The following RNF150 variants were observed in gnomAD, a reference collection of about 807,000 sequenced individuals.
RNF150 encodes the protein ring finger protein 150.
RNF150 carries 24 observed loss-of-function variants against 39.3 expected under a neutral mutation model. The ratio of observed to expected loss-of-function variants is 0.61; its 90% confidence interval spans 0.44 to 0.86. The LOEUF (loss-of-function observed/expected upper bound fraction) is 0.86, where lower values mean the gene tolerates loss of function less well. Ranked by LOEUF, RNF150 falls within the 40% of genes least tolerant of loss-of-function variation. RNF150 has a pLI of 0.00. For synonymous variants in RNF150, 255 were observed against 227.3 expected, an observed-to-expected ratio of 1.12 and a Z score of -1.10; for missense variants, 502 against 587.8, an observed-to-expected ratio of 0.85 and a Z score of 1.51.
intron 6 of RNF150, among the ~76,000 whole-genome samples, chr4:140,903,901 C>T (rs553488365): frequency 5.3e-5 from 8 of 152,334 alleles, no homozygotes; most frequent in African/African-American, 1.9e-4. Flanking sequence ...GTTTGTGAAT[C>T]TGCAGATCCT....
chr4:141,134,292 G>A (rs918364369), upstream of RNF150, among the ~76,000 whole-genome samples: 1 of 152,146 alleles, frequency 6.6e-6, no homozygotes, highest in Non-Finnish European at 1.5e-5. Flanking sequence ...TAAAACTGTA[G>A]TACAGCAGAG....
At chr4:141,207,504 C>A (rs12642386) in intron 1 of RNF150, among the ~76,000 whole-genome samples, 31,092 of 152,008 alleles carry the variant, frequency 0.2, 3,534 homozygotes, top group South Asian at 0.32. Flanking sequence ...CAAAGATGAG[C>A]CCCTGGATGA....
intron 1 of RNF150, among the ~76,000 whole-genome samples, chr4:141,070,046 T>G (rs1737630098): frequency 6.6e-6 from 1 of 152,202 alleles, no homozygotes; most frequent in South Asian, 2.1e-4. Flanking sequence ...GGGTTTTTTG[T>G]GTCTCTATTT....
intron 1 of RNF150, among the ~76,000 whole-genome samples, chr4:140,984,573 G>T (rs1327068920): frequency 6.6e-6 from 1 of 152,110 alleles, no homozygotes; most frequent in African/African-American, 2.4e-5. Flanking sequence ...AGTCTACACT[G>T]TAAATCAAAA....
chr4:141,055,617 T>C (rs897962909), intron 1 of RNF150, among the ~76,000 whole-genome samples: 7 of 152,072 alleles, frequency 4.6e-5, no homozygotes, highest in Admixed American at 3.9e-4. Flanking sequence ...AACTGAATGA[T>C]GGATCAGGAG....
At chr4:140,987,000 C>A (rs1734035985) in intron 1 of RNF150, among the ~76,000 whole-genome samples, 1 of 151,906 alleles carries the variant, frequency 6.6e-6, no homozygotes, top group Non-Finnish European at 1.5e-5. Context: ...AGAGCCAAAT[C>A]AAGAATGCAA....
intron 2 of RNF150, among the ~76,000 whole-genome samples, chr4:140,967,330 C>G (rs1733283956): frequency 6.6e-6 from 1 of 151,982 alleles, no homozygotes; most frequent in Non-Finnish European, 1.5e-5. Context: ...TCCAAATTAT[C>G]TTCACACTAT....
chr4:141,151,506 G>A (rs900239503), intron 1 of RNF150, among the ~76,000 whole-genome samples: 1 of 150,184 alleles, frequency 6.7e-6, no homozygotes, highest in Non-Finnish European at 1.5e-5. Flanking sequence ...CTGTAGGAAT[G>A]TTTTTCTTTA....
At chr4:140,871,049 A>G (rs1273111610) in intron 6 of RNF150, among the ~76,000 whole-genome samples, 1 of 151,646 alleles carries the variant, frequency 6.6e-6, no homozygotes, top group African/African-American at 2.4e-5. Flanking sequence ...CTTTATACTT[A>G]TGAGAACTGG....
At chr4:140,965,714 T>G (rs1448805139) in intron 2 of RNF150, among the ~76,000 whole-genome samples, 6 of 152,038 alleles carry the variant, frequency 3.9e-5, no homozygotes, top group Non-Finnish European at 8.8e-5. Flanking sequence ...AAAGGTCAAA[T>G]GTCCAGAGAT....
At chr4:141,019,033 A>AAT (rs10527652) in intron 1 of RNF150, among the ~76,000 whole-genome samples, 22 of 126,398 alleles carry the variant, frequency 1.7e-4, no homozygotes, top group East Asian at 5.1e-4. Context: ...ACTGCAAAGA[A>AAT]ATATATATAT....
intron 1 of RNF150, among the ~76,000 whole-genome samples, chr4:141,072,799 A>C (rs946106978): frequency 6.6e-6 from 1 of 152,178 alleles, no homozygotes; most frequent in African/African-American, 2.4e-5. Context: ...GAATAGCATC[A>C]TATTCAGTCT....
chr4:140,952,078 C>T (rs187243353), intron 2 of RNF150, among the ~76,000 whole-genome samples: 1 of 151,978 alleles, frequency 6.6e-6, no homozygotes, highest in African/African-American at 2.4e-5. Flanking sequence ...GGTGCGATCT[C>T]GGCTCACTGC....
At chr4:141,104,946 T>A (rs916079592) in intron 1 of RNF150, among the ~76,000 whole-genome samples, 2 of 152,172 alleles carry the variant, frequency 1.3e-5, no homozygotes, top group Non-Finnish European at 2.9e-5. Context: ...TATATCCCAG[T>A]TGCAGCCTCC....
At chr4:140,897,305 T>C (rs1039036638) in intron 6 of RNF150, among the ~76,000 whole-genome samples, 5 of 152,192 alleles carry the variant, frequency 3.3e-5, no homozygotes, top group Admixed American at 2.0e-4. Context: ...TGGGTTCTGT[T>C]TTCCTCGGGC....
chr4:140,954,118 GAGTC>G (rs1732654160), intron 2 of RNF150, among the ~76,000 whole-genome samples: 1 of 152,192 alleles, frequency 6.6e-6, no homozygotes, highest in South Asian at 2.1e-4. Context: ...CCTCAGGTTT[GAGTC>G]AGTCTTTTGT....
intron 4 of RNF150, among the ~76,000 whole-genome samples, chr4:140,937,345 T>C (rs1364877): frequency 0.6 from 90,552 of 151,986 alleles, 27,451 homozygotes; most frequent in Non-Finnish European, 0.64. Flanking sequence ...ACTGCAACCT[T>C]CACCACCCAG....
At chr4:141,134,261 G>C (rs569861328), upstream of RNF150, among the ~76,000 whole-genome samples, 122 of 152,294 alleles carry the variant, frequency 8.0e-4, 2 homozygotes, top group South Asian at 0.025. Context: ...AGACAGTACA[G>C]TCCCCCTAGT....
chr4:141,081,900 T>C (rs1221269838), intron 1 of RNF150, among the ~76,000 whole-genome samples: 2 of 152,260 alleles, frequency 1.3e-5, no homozygotes, highest in Non-Finnish European at 2.9e-5. Context: ...AGAATTCAGT[T>C]TAATTTTCAA....
Sources: allele counts gnomAD v4.1 joint callset (sites outside exome capture counted in the v4.1 genomes callset), GRCh38; gene constraint gnomAD v4.1.1; transcripts MANE v1.5; gene names NCBI Gene and HGNC (gene_info 2026-07-23, HGNC 2026-07-21).